Variants in PCDHA3 observed in about 807,000 individuals in gnomAD.
The protein encoded by PCDHA3 is protocadherin alpha 3.
PCDHA3 carries 41 observed loss-of-function variants against 62.2 expected under a neutral mutation model. The ratio of observed to expected loss-of-function variants is 0.66; its 90% CI spans 0.51 to 0.86. The LOEUF (loss-of-function observed/expected upper bound fraction) is 0.86, where lower values mean the gene tolerates loss of function less well. PCDHA3 is among the 40% of genes least tolerant of loss of function. The probability of loss-of-function intolerance (pLI) is 0.00; values close to 1 mark genes in which losing one functional copy is unlikely to be tolerated. For synonymous variants in PCDHA3, 640 were observed against 555.4 expected (o/e 1.15, Z -2.14); for missense variants, 1,304 against 1,241.2 (o/e 1.05, Z -0.76).
Position 140,802,888 on chromosome 5 carries a change from C to T in PCDHA3, c.1691C>T (p.Ala564Val). 1.2e-6 allele frequency: 2 copies of T among 1,613,760 alleles called. No homozygotes were observed. The highest frequency in any genetic ancestry group is 1.7e-6 in the Non-Finnish European group (2 of 1,179,904). The stretch of plus-strand genomic sequence containing the variant: ...CTGGACGAGAACGACAACGCGCCGG[C>T]ACTGCTGATGCCTCGGGTGGGTGGC... ...FVLDENDNAP[A>V]LLMPRVGGIG... Residue 564 changes from alanine to valine, a missense_variant, in exon 1 of 4, where the codon GCA (alanine) becomes GTA (valine). Coordinates refer to ENST00000522353, the MANE Select transcript of PCDHA3 (RefSeq NM_018906.3).
intron 1 of PCDHA3, among the ~76,000 whole-genome samples, chr5:140,920,911 G>C (rs1290667252): frequency 6.6e-6 from 1 of 150,718 alleles, no homozygotes; most frequent in African/African-American, 2.4e-5. Context: ...TCTCAAATCA[G>C]TTCCAAGAGT....
At chr5:140,927,568 A>T in intron 1 of PCDHA3, 1 of 1,614,174 alleles carries the variant, frequency 6.2e-7, no homozygotes, top group Non-Finnish European at 8.5e-7. Flanking sequence ...TGTGGTGGAC[A>T]CAAATGACAA....
intron 1 of PCDHA3, chr5:140,805,581 C>T (rs1314512666): frequency 2.1e-6 from 2 of 942,096 alleles, no homozygotes; most frequent in South Asian, 4.9e-5. Context: ...TAAATGGCTA[C>T]CATTATGTCT....
At chr5:140,837,464 C>T (rs1295340702) in intron 1 of PCDHA3, among the ~76,000 whole-genome samples, 1 of 151,746 alleles carries the variant, frequency 6.6e-6, no homozygotes, top group African/African-American at 2.4e-5. Flanking sequence ...CTCCTTGCCT[C>T]CTCAAACCCC....
chr5:140,819,291 G>A (rs2150103686), intron 1 of PCDHA3, among the ~76,000 whole-genome samples: 6 of 152,022 alleles, frequency 3.9e-5, no homozygotes, highest in Non-Finnish European at 8.8e-5. Context: ...GAAAAATATA[G>A]CTTATTAAAA....
intron 1 of PCDHA3, chr5:140,807,094 TG>T: frequency 7.3e-7 from 1 of 1,376,078 alleles, no homozygotes; most frequent in Non-Finnish European, 1.0e-6. Flanking sequence ...GTCTGAAATA[TG>T]GAGGATGCAG....
chr5:140,898,765 G>C (rs1336398509), intron 1 of PCDHA3, among the ~76,000 whole-genome samples: 1 of 151,640 alleles, frequency 6.6e-6, no homozygotes, highest in African/African-American at 2.4e-5. Context: ...CATTGAATCT[G>C]TAAATTACCT....
chr5:141,004,403 C>T (rs1424370254), intron 3 of PCDHA3, among the ~76,000 whole-genome samples: 1 of 152,166 alleles, frequency 6.6e-6, no homozygotes, highest in Non-Finnish European at 1.5e-5. Flanking sequence ...GGAGGAGGCA[C>T]CTGACTAGAT....
At chr5:140,964,401 G>A (rs1230382796) in intron 1 of PCDHA3, among the ~76,000 whole-genome samples, 6 of 152,166 alleles carry the variant, frequency 3.9e-5, no homozygotes, top group Admixed American at 2.0e-4. Flanking sequence ...CCCAAGACAT[G>A]ACATTTGGGG....
At chr5:140,884,622 GAAC>G (rs1562808706) in intron 1 of PCDHA3, 7 of 1,613,830 alleles carry the variant, frequency 4.3e-6, no homozygotes, top group Non-Finnish European at 5.9e-6. Flanking sequence ...TCTGCAGAGG[GAAC>G]AGGCCAGAGG....
chr5:140,990,332 T>C (rs1458187543), intron 3 of PCDHA3, among the ~76,000 whole-genome samples: 1 of 152,100 alleles, frequency 6.6e-6, no homozygotes, highest in Non-Finnish European at 1.5e-5. Flanking sequence ...ACTTTAAAAA[T>C]AAGTAAAGCC....
chr5:140,910,982 T>C (rs1204318531), intron 1 of PCDHA3, among the ~76,000 whole-genome samples: 1 of 152,130 alleles, frequency 6.6e-6, no homozygotes, highest in Non-Finnish European at 1.5e-5. Flanking sequence ...GGTTATACTC[T>C]GAACCTCACC....
At chr5:140,893,762 T>A (rs1337056301) in intron 1 of PCDHA3, among the ~76,000 whole-genome samples, 1 of 152,196 alleles carries the variant, frequency 6.6e-6, no homozygotes, top group Non-Finnish European at 1.5e-5. Context: ...TATAGGTGAC[T>A]TGTCACTTTT....
intron 1 of PCDHA3, among the ~76,000 whole-genome samples, chr5:140,939,281 G>A (rs1554212652): frequency 6.6e-6 from 1 of 152,014 alleles, no homozygotes; most frequent in African/African-American, 2.4e-5. Context: ...CTGTGCCCTC[G>A]TGATCTAATC....
intron 1 of PCDHA3, chr5:140,857,366 G>C: frequency 2.5e-6 from 4 of 1,598,350 alleles, no homozygotes; most frequent in Non-Finnish European, 3.4e-6. Flanking sequence ...CACGGCCAGC[G>C]TGTCTGTGGA....
chr5:140,923,333 T>C lies in PCDHA3; in HGVS notation c.2395-55616T>C, dbSNP rs180734722. Among the ~76,000 whole-genome samples the C allele has an allele frequency of 8.0e-3, 1,225 of 152,228 alleles. 6 individuals are homozygous for C. The highest frequency in any genetic ancestry group is 0.019 in the African/African-American group (792 of 41,544). On this transcript the variant is annotated intron_variant, in intron 1 of 3. Coordinates refer to ENST00000522353, the MANE Select transcript of PCDHA3 (RefSeq NM_018906.3). ...CTTGGCCTAGAAGTTCAAGGACAGT[T>C]TGGGCAACATAGTGGGACCCTATCT...
rs2150205014 is a variant in PCDHA3, at chr5:140,832,896, C to G, written c.2394+29305C>G. Among the ~76,000 whole-genome samples, 13 of 152,128 alleles carry G rather than the reference C, an allele frequency of 8.5e-5. 1 individual carries two copies. In the South Asian group the frequency reaches 2.7e-3, roughly 32 times the overall value. On this transcript the variant is annotated intron_variant, in intron 1 of 3. Coordinates refer to ENST00000522353, the MANE Select transcript of PCDHA3 (RefSeq NM_018906.3). ...GGTTATAAAATGGAAAGAGTTTTCCCTGGGAGAATATGGAGACTAACAGGT... is the reference window on the plus strand; with the variant it reads ...GGTTATAAAATGGAAAGAGTTTTCCGTGGGAGAATATGGAGACTAACAGGT...
intron 1 of PCDHA3, chr5:140,852,273 G>A: frequency 4.0e-6 from 2 of 502,850 alleles, no homozygotes; most frequent in Non-Finnish European, 5.3e-6. Context: ...AATATTACAT[G>A]TTTTTTGTCT....
intron 3 of PCDHA3, among the ~76,000 whole-genome samples, chr5:141,007,961 C>G (rs1554261577): frequency 6.6e-6 from 1 of 152,176 alleles, no homozygotes; most frequent in East Asian, 1.9e-4. Flanking sequence ...TGCTCATTCT[C>G]TGGGTGTCTG....
Sources: gnomAD v4.1 joint callset for allele counts (sites outside exome capture counted in the v4.1 genomes callset) on GRCh38, gnomAD v4.1.1 for gene constraint, MANE v1.5 for transcripts, NCBI Gene and HGNC (gene_info 2026-07-23, HGNC 2026-07-21) for gene names.